The following PPA2 variants were observed in gnomAD, a reference collection of about 807,000 sequenced individuals.
The protein encoded by PPA2 is inorganic pyrophosphatase 2, also known as inorganic pyrophosphatase 2, mitochondrial.
In PPA2, 48 loss-of-function variants were observed where a neutral mutation model predicts 49.5. That is an observed-to-expected ratio of 0.97 (90% CI 0.77 to 1.23). The LOEUF (loss-of-function observed/expected upper bound fraction) is 1.23. Among genes scored for constraint, PPA2 ranks in the 50% most tolerant of loss-of-function variants. The pLI, the probability that PPA2 is intolerant of heterozygous loss-of-function variation, is 0.00. For missense variants in PPA2, 429 were observed against 410.1 expected, an observed-to-expected ratio of 1.05 and a Z score of -0.40; for synonymous variants, 131 against 139.9, an observed-to-expected ratio of 0.94 and a Z score of 0.45.
intron 1 of PPA2, among the ~76,000 whole-genome samples, chr4:105,462,317 AG>A (rs1723126062): frequency 6.6e-6 from 1 of 152,210 alleles, no homozygotes. Flanking sequence ...TCCGAAGCTC[AG>A]GCTGCTTGTT....
At position 105,473,916 on chromosome 4, in the gene PPA2, C is replaced by T; in HGVS notation, c.135G>A (p.Ser45=). The change falls in exon 1 of 12, where the codon TCG becomes TCA. Residue 45 remains serine, a synonymous_variant. Coordinates refer to ENST00000341695, the MANE Select transcript of PPA2 (RefSeq NM_176869.3). The part of the protein sequence containing the change: ...YHTEERGQPC[S]QNYRLFFKNV... ...TACTAAAGAAGAGGCGGTAATTCTG[C>T]GAGCAGGGCTGGCCGCGCTCCTCAG... is the stretch of plus-strand genomic sequence containing the variant. 6.2e-7 allele frequency: 1 copy of T among 1,602,828 alleles called. No homozygotes were observed. The highest frequency in any genetic ancestry group is 1.1e-5 in the South Asian group (1 of 90,590).
intron 9 of PPA2, 86 bp from the exon 10 acceptor site, chr4:105,386,722 C>T (rs1028884885): frequency 2.1e-5 from 21 of 991,158 alleles, no homozygotes; most frequent in Admixed American, 4.3e-5. Context: ...TCCAAATACT[C>T]CACATCTGTT....
chr4:105,407,209 G>A (rs747249084), intron 7 of PPA2: 5 of 152,092 alleles, frequency 3.3e-5, no homozygotes, highest in Non-Finnish European at 7.4e-5. Context: ...AGATCTTCAG[G>A]AAGAAACAAA....
chr4:105,396,067 GA>G (rs1433883699), intron 9 of PPA2, among the ~76,000 whole-genome samples, 181 bp downstream of exon 9: 9 of 151,814 alleles, frequency 5.9e-5, no homozygotes, highest in Non-Finnish European at 1.0e-4. Flanking sequence ...AATTCCTTGA[GA>G]AAAAAGATCA....
chr4:105,425,844 G>T (rs935302454), intron 6 of PPA2, among the ~76,000 whole-genome samples: 1 of 151,974 alleles, frequency 6.6e-6, no homozygotes, highest in Non-Finnish European at 1.5e-5. Flanking sequence ...TAGTGACAGA[G>T]AGTAAATCTT....
At position 105,396,228 on chromosome 4, in the gene PPA2, A is replaced by G. The variant is rs58189816; in HGVS notation, c.869+21T>C. On this transcript the variant is annotated intron_variant, in intron 9 of 11. Coordinates refer to ENST00000341695, the MANE Select transcript of PPA2 (RefSeq NM_176869.3). ...TACCAATTAATATAACATTACTTAC[A>G]TAGAAAAGACAAATTCTTACCAATT... 4,529 of 1,461,500 alleles carry G rather than the reference A, an allele frequency of 3.1e-3. 109 individuals are homozygous for G. In the African/African-American group the frequency reaches 0.048, roughly 15 times the overall value. The allele number at this position is 1,461,500 out of a possible 1,614,324, so 90.5% of individuals were successfully genotyped here.
At chr4:105,397,741 C>G (rs1734205453) in intron 8 of PPA2, among the ~76,000 whole-genome samples, 2 of 152,058 alleles carry the variant, frequency 1.3e-5, no homozygotes, top group South Asian at 4.1e-4. Context: ...TTAAAAAGAG[C>G]CTGGGCACCT....
At chr4:105,428,155 A>AT (rs1578851502) in intron 6 of PPA2, among the ~76,000 whole-genome samples, 3 of 152,148 alleles carry the variant, frequency 2.0e-5, no homozygotes, top group South Asian at 4.1e-4. Context: ...ATGCTGAGAG[A>AT]TTTTGTCACC....
intron 6 of PPA2, among the ~76,000 whole-genome samples, chr4:105,425,310 A>G (rs2110271532): frequency 6.6e-6 from 1 of 152,310 alleles, no homozygotes; most frequent in Non-Finnish European, 1.5e-5. Context: ...CCTCAAAACA[A>G]CTACTGTAAA....
At chr4:105,393,409 G>A in intron 9 of PPA2, among the ~76,000 whole-genome samples, 1 of 150,934 alleles carries the variant, frequency 6.6e-6, no homozygotes, top group Non-Finnish European at 1.5e-5. Context: ...GCTGAACTCT[G>A]GGAGGTCAAG....
chr4:105,470,874 A>G (rs775868207), intron 1 of PPA2, among the ~76,000 whole-genome samples: 20 of 152,188 alleles, frequency 1.3e-4, no homozygotes, highest in Non-Finnish European at 2.6e-4. Context: ...CGGTAAAGTC[A>G]GGACTACAAC....
At chr4:105,473,648 C>A (rs762711185) in intron 1 of PPA2, 2 of 746,046 alleles carry the variant, frequency 2.7e-6, no homozygotes, top group African/African-American at 1.7e-5. Flanking sequence ...TATCTACCCC[C>A]CAGCCGGCAG....
chr4:105,398,256 T>C, intron 8 of PPA2: 1 of 152,120 alleles, frequency 6.6e-6, no homozygotes, highest in East Asian at 1.9e-4. Flanking sequence ...TCTAAAATAA[T>C]AATTTTATAT....
chr4:105,426,684 T>C (rs540339887), intron 6 of PPA2, among the ~76,000 whole-genome samples: 18 of 152,296 alleles, frequency 1.2e-4, no homozygotes, highest in Non-Finnish European at 2.1e-4. Flanking sequence ...GCTTACAGTG[T>C]AAACAAAGCC....
intron 10 of PPA2, among the ~76,000 whole-genome samples, chr4:105,382,431 G>T (rs1477962413): frequency 6.6e-6 from 1 of 152,056 alleles, no homozygotes; most frequent in Non-Finnish European, 1.5e-5. Context: ...TTTAACTAAA[G>T]GGTCCTAAAA....
At chr4:105,450,757 G>A (rs1329977963) in intron 3 of PPA2, among the ~76,000 whole-genome samples, 1 of 151,916 alleles carries the variant, frequency 6.6e-6, no homozygotes, top group Middle Eastern at 3.2e-3. Flanking sequence ...ACAGGCACCC[G>A]CCACCACTTC....
chr4:105,444,826 T>A (rs1001704322), intron 5 of PPA2, among the ~76,000 whole-genome samples: 10 of 152,210 alleles, frequency 6.6e-5, no homozygotes, highest in Admixed American at 2.0e-4. Context: ...AACCATACGA[T>A]AATAAAAGTA....
intron 3 of PPA2, among the ~76,000 whole-genome samples, chr4:105,451,115 C>T (rs1356894058): frequency 6.6e-6 from 1 of 152,156 alleles, no homozygotes; most frequent in Non-Finnish European, 1.5e-5. Flanking sequence ...AGCCCCGTCT[C>T]TCATCTATCT....
At chr4:105,395,555 T>A (rs1734105264) in intron 9 of PPA2, among the ~76,000 whole-genome samples, 1 of 152,162 alleles carries the variant, frequency 6.6e-6, no homozygotes, top group South Asian at 2.1e-4. Flanking sequence ...TTAAGTAGGT[T>A]ATAAAACTAA....
Sources: gnomAD v4.1 joint callset for allele counts (sites outside exome capture counted in the v4.1 genomes callset) on GRCh38, gnomAD v4.1.1 for gene constraint, MANE v1.5 for transcripts, NCBI Gene and HGNC (gene_info 2026-07-23, HGNC 2026-07-21) for gene names.